Variants in MROH9 observed in about 807,000 individuals in gnomAD.
MROH9 encodes the protein maestro heat-like repeat-containing protein family member 9.
MROH9 carries 92 observed loss-of-function variants against 98.2 expected under a neutral mutation model. That is an observed-to-expected ratio of 0.94 (90% CI 0.79 to 1.11). MROH9 has a LOEUF of 1.11. MROH9 is among the 50% of genes most tolerant of loss of function. The pLI, the probability that MROH9 is intolerant of heterozygous loss-of-function variation, is 0.00. For missense variants in MROH9, 1,057 were observed against 1,014.8 expected, an observed-to-expected ratio of 1.04 and a Z score of -0.57; for synonymous variants, 397 against 368.9, an observed-to-expected ratio of 1.08 and a Z score of -0.87.
chr1:171,018,721 T>C (rs1220441791), intron 17 of MROH9, among the ~76,000 whole-genome samples: 1 of 152,178 alleles, frequency 6.6e-6, no homozygotes, highest in Non-Finnish European at 1.5e-5. Context: ...AATGACCTGA[T>C]GGAGCTGAAA....
At chr1:170,944,549 T>A (rs972168224) in intron 1 of MROH9, among the ~76,000 whole-genome samples, 18 of 151,634 alleles carry the variant, frequency 1.2e-4, no homozygotes, top group African/African-American at 4.1e-4. Flanking sequence ...AAACAAAGTA[T>A]CTCAAAAAGG....
intron 20 of MROH9, among the ~76,000 whole-genome samples, chr1:171,036,982 AG>A (rs1373084044): frequency 6.6e-6 from 1 of 151,784 alleles, no homozygotes; most frequent in Non-Finnish European, 1.5e-5. Context: ...ATCTAGAAGG[AG>A]GGGGAGGAAA....
chr1:171,042,049 T>C lies in MROH9; in HGVS notation c.2281+16629T>C, dbSNP rs147172440. ...TTGTTATTATTGGCTACAGTCATTC[T>C]ATTGTGCTATCAAATAGTAAGTCTT... On this transcript the variant is annotated intron_variant, in intron 20 of 21. Coordinates refer to ENST00000367759, the MANE Select transcript of MROH9 (RefSeq NM_001163629.2). 1.1e-4 allele frequency among the ~76,000 whole-genome samples: 17 copies of C among 152,226 alleles called. No individual in the cohort carries two copies. The East Asian group carries it at 3.3e-3, about 29-fold the overall frequency.
At chr1:170,940,843 GT>G (rs1442940783) in intron 1 of MROH9, among the ~76,000 whole-genome samples, 2 of 152,158 alleles carry the variant, frequency 1.3e-5, no homozygotes, top group Non-Finnish European at 2.9e-5. Context: ...AGCTTACTAT[GT>G]TCCTAGGTAG....
At chr1:171,045,588 T>C (rs1011210209) in intron 20 of MROH9, among the ~76,000 whole-genome samples, 9 of 152,190 alleles carry the variant, frequency 5.9e-5, no homozygotes, top group African/African-American at 2.2e-4. Context: ...TTTCCACTTA[T>C]TTGTATAGTT....
chr1:170,993,536 G>A (rs1403403858), intron 12 of MROH9, among the ~76,000 whole-genome samples: 1 of 152,150 alleles, frequency 6.6e-6, no homozygotes, highest in Non-Finnish European at 1.5e-5. Context: ...CTTTCTATGA[G>A]TGCATGTGAA....
rs1553219583 is a variant in MROH9, at chr1:171,024,303, G to GTGTGTGT, written c.1909-92_1909-91insTGTGTGT. 10,740 of 669,560 alleles carry GTGTGTGT rather than the reference G, an allele frequency of 0.016. 615 individuals carry two copies. The African/African-American group carries it at 0.16, about 10-fold the overall frequency. The allele number at this position is 669,560 out of a possible 1,614,324, so 41.5% of individuals were successfully genotyped here. On this transcript the variant is annotated intron_variant, in intron 17 of 21. Coordinates refer to ENST00000367759, the MANE Select transcript of MROH9 (RefSeq NM_001163629.2). Reference sequence around the variant, plus strand: ...ATACATATATAGTATATTTATATGGGGTGTGTGTGTGTGTGTGTGTGTGTG... The same window carrying GTGTGTGT: ...ATACATATATAGTATATTTATATGGGTGTGTGTGTGTGTGTGTGTGTGTGTGTGTGTG...
intron 1 of MROH9, among the ~76,000 whole-genome samples, chr1:170,937,358 C>A (rs1648927401): frequency 6.6e-6 from 1 of 151,896 alleles, no homozygotes; most frequent in Non-Finnish European, 1.5e-5. Context: ...AATATGAAGT[C>A]ATTGCATTTT....
chr1:171,016,327 G>A lies in MROH9; in HGVS notation c.1899G>A (p.Leu633=). The A allele has an allele frequency of 1.3e-6, 2 of 1,506,440 alleles. No individual in the cohort carries two copies. The highest frequency in any genetic ancestry group is 1.3e-5 in the South Asian group (1 of 75,790). The allele number at this position is 1,506,440 out of a possible 1,614,324, so 93.3% of individuals were successfully genotyped here. A position where few individuals can be genotyped will look rare whatever the true frequency, so the allele number is the denominator to read the frequency against. The change falls in exon 17 of 22, where the codon CTG becomes CTA. Residue 633 remains leucine, a synonymous_variant. Coordinates refer to ENST00000367759, the MANE Select transcript of MROH9 (RefSeq NM_001163629.2). ...GTRIGSSYCT[L]MDHINGGIRS... is the part of the protein sequence containing the mutation. ...GAATTGGTTCCAGCTACTGTACTCT[G>A]ATGGATCATGTGAGTTACACAGTTA...
intron 15 of MROH9, chr1:170,998,671 GTAAC>G: frequency 2.7e-6 from 3 of 1,105,024 alleles, no homozygotes; most frequent in Non-Finnish European, 3.3e-6. Context: ...AACTGGCTGA[GTAAC>G]TGGGTAAAAT....
chr1:171,016,685 T>C lies in MROH9; in HGVS notation c.1908+349T>C, dbSNP rs187571173. Among the ~76,000 whole-genome samples, 930 of 152,306 alleles carry C rather than the reference T, an allele frequency of 6.1e-3. 3 individuals carry two copies. The highest frequency in any genetic ancestry group is 9.1e-3 in the Non-Finnish European group (621 of 68,026). ...CTGAGTGAGTGATTTCTTCAGTCTT[T>C]TGGTGTATCACTTTTTCCCCATCTA... is the stretch of plus-strand genomic sequence containing the variant. On this transcript the variant is annotated intron_variant, in intron 17 of 21. Transcript: ENST00000367759.
At chr1:170,938,838 C>T (rs970314783) in intron 1 of MROH9, among the ~76,000 whole-genome samples, 8 of 152,216 alleles carry the variant, frequency 5.3e-5, no homozygotes, top group Non-Finnish European at 1.2e-4. Context: ...CTCTGGGCCA[C>T]ATCAAGGACT....
In MROH9 at chr1:170,992,207, G is replaced by C; in HGVS notation, c.1072G>C (p.Val358Leu). ...MWKAACSQAS[V>L]APHVLKTILL... ...GAAGGCGGCATGTTCTCAGGCGAGC[G>C]TGGCCCCTCACGTGCTGAAGACAAT... The change falls in exon 12 of 22, where the codon GTG becomes CTG. Residue 358 changes from valine (V) to leucine (L), a missense_variant. Val to Leu is a conservative substitution (Grantham distance 32). Coordinates refer to ENST00000367759, the MANE Select transcript of MROH9 (RefSeq NM_001163629.2). 1 of 1,613,058 alleles carries C rather than the reference G, an allele frequency of 6.2e-7. No homozygotes were observed. The highest frequency in any genetic ancestry group is 8.5e-7 in the Non-Finnish European group (1 of 1,179,518).
At chr1:171,024,278 A>T (rs1397030871) in intron 17 of MROH9, 117 bp from the exon 18 acceptor site, 1 of 765,754 alleles carries the variant, frequency 1.3e-6, no homozygotes, top group Non-Finnish European at 2.1e-6. Context: ...ATATACACAT[A>T]TACATATATA....
intron 10 of MROH9, among the ~76,000 whole-genome samples, chr1:170,988,047 T>C (rs921421820): frequency 6.6e-6 from 1 of 152,228 alleles, no homozygotes; most frequent in Admixed American, 6.5e-5. Context: ...ATACTGTATG[T>C]CCTCTGCTCC....
At chr1:171,015,220 T>C (rs934059098) in intron 16 of MROH9, 2 of 350,968 alleles carry the variant, frequency 5.7e-6, no homozygotes, top group African/African-American at 4.3e-5. Flanking sequence ...CCATGGTCTG[T>C]TTACTTTAAA....
At chr1:170,949,098 T>C (rs1649449437) in intron 3 of MROH9, among the ~76,000 whole-genome samples, 1 of 152,076 alleles carries the variant, frequency 6.6e-6, no homozygotes. Context: ...CTTTCAAAGT[T>C]GACCCTCTTT....
intron 20 of MROH9, among the ~76,000 whole-genome samples, chr1:171,029,441 C>A (rs1272480880): frequency 6.6e-6 from 1 of 152,112 alleles, no homozygotes; most frequent in Non-Finnish European, 1.5e-5. Context: ...AACTCCTGAC[C>A]TCATGATCCA....
chr1:170,994,513 C>A (rs749524766), intron 12 of MROH9, among the ~76,000 whole-genome samples: 1 of 151,896 alleles, frequency 6.6e-6, no homozygotes, highest in East Asian at 1.9e-4. Flanking sequence ...ATTTATGGGG[C>A]ACATGAGATG....
Sources: allele counts gnomAD v4.1 joint callset (sites outside exome capture counted in the v4.1 genomes callset), GRCh38; gene constraint gnomAD v4.1.1; transcripts MANE v1.5; gene names NCBI Gene and HGNC (gene_info 2026-07-23, HGNC 2026-07-21).